RANBP9: variants seen among roughly 807,000 people sequenced by gnomAD.
RANBP9 encodes ran-binding protein 9.
A neutral mutation model predicts 84.3 loss-of-function variants in RANBP9; 15 were observed. The ratio of observed to expected loss-of-function variants is 0.18; its 90% CI spans 0.12 to 0.27. RANBP9 has a LOEUF of 0.27. Among genes scored for constraint, RANBP9 ranks in the 10% least tolerant of loss-of-function variants. RANBP9 has a pLI of 1.00. For synonymous variants in RANBP9, 392 were observed against 349.6 expected (o/e 1.12, Z -1.35); for missense variants, 809 against 912.8 (o/e 0.89, Z 1.46).
chr6:13,696,732 T>C, intron 2 of RANBP9, 53 bp downstream of exon 2: 9 of 1,453,164 alleles, frequency 6.2e-6, no homozygotes, highest in South Asian at 4.8e-5. Flanking sequence ...ATAAACATTA[T>C]GAACCAAAAC....
At chr6:13,638,102 G>T in intron 9 of RANBP9, 147 bp from the exon 10 acceptor site, 1 of 637,502 alleles carries the variant, frequency 1.6e-6, no homozygotes, top group Non-Finnish European at 2.5e-6. Context: ...TCTTTGAAAG[G>T]ATACTAAGAA....
chr6:13,690,461 C>G lies in RANBP9; in HGVS notation c.683+6324G>C. 1.3e-5 allele frequency among the ~76,000 whole-genome samples: 2 copies of G among 152,132 alleles called. 1 individual carries two copies. The highest frequency in any genetic ancestry group is 3.9e-4 in the East Asian group (2 of 5,172). On this transcript the variant is annotated intron_variant, in intron 2 of 13. Transcript: ENST00000011619. The stretch of plus-strand genomic sequence containing the variant: ...AAGAAAGACCTTTGTTCTCCTCCCC[C>G]GCCAAGAAATAAACTAGAAAGTCAG...
chr6:13,705,868 C>CAAAAAAAAAAAAAAAAAAAAAAAAAAA (rs767070995), intron 1 of RANBP9, among the ~76,000 whole-genome samples: 22 of 76,744 alleles, frequency 2.9e-4, no homozygotes, highest in South Asian at 4.8e-4. Flanking sequence ...GACTCCGTCT[C>CAAAAAAAAAAAAAAAAAAAAAAAAAAA]AAAAAAAAAA....
chr6:13,652,579 C>A, intron 5 of RANBP9, 80 bp downstream of exon 5: 1 of 1,318,940 alleles, frequency 7.6e-7, no homozygotes, highest in Non-Finnish European at 1.1e-6. Flanking sequence ...GTATTTTAAA[C>A]TTTCTAAATA....
intron 12 of RANBP9, among the ~76,000 whole-genome samples, chr6:13,626,843 T>C (rs1268013177): frequency 6.6e-6 from 1 of 152,164 alleles, no homozygotes; most frequent in Non-Finnish European, 1.5e-5. Flanking sequence ...CTTACTAGTG[T>C]TATGAAAGCA....
At position 13,711,169 on chromosome 6, in the gene RANBP9, C is replaced by A. The variant is rs71562480; in HGVS notation, c.337G>T (p.Gly113Cys). ...GGGGTCGGGGCTCCTCCAGCCGGGC[C>A]GGGGCCCGCTGCAAGGCCCGGGGGA... ...PAPPGLAAGP[G>C]PAGGAPTPAL... The change falls in exon 1 of 14, where the codon GGC becomes TGC. Residue 113 changes from glycine to cysteine, a missense_variant. Gly to Cys is a radical substitution (Grantham distance 159). Coordinates refer to ENST00000011619, the MANE Select transcript of RANBP9 (RefSeq NM_005493.3). The A allele has an allele frequency of 7.3e-7, 1 of 1,379,100 alleles. No homozygotes were observed. 85.4% of individuals were successfully genotyped at this position (1,379,100 alleles called of 1,614,324 possible). A position where few individuals can be genotyped will look rare whatever the true frequency, so the allele number is the denominator to read the frequency against.
intron 2 of RANBP9, among the ~76,000 whole-genome samples, chr6:13,673,719 A>G (rs948877134): frequency 6.6e-6 from 1 of 152,194 alleles, no homozygotes; most frequent in Admixed American, 6.5e-5. Flanking sequence ...AAACTACCAA[A>G]AAATCTTTTT....
chr6:13,663,860 C>A (rs1404967298), intron 2 of RANBP9, among the ~76,000 whole-genome samples: 1 of 152,028 alleles, frequency 6.6e-6, no homozygotes, highest in East Asian at 1.9e-4. Flanking sequence ...AAAATAAATA[C>A]ACTTGGCAAA....
At chr6:13,667,535 A>G (rs1437138804) in intron 2 of RANBP9, among the ~76,000 whole-genome samples, 1 of 152,220 alleles carries the variant, frequency 6.6e-6, no homozygotes, top group Non-Finnish European at 1.5e-5. Flanking sequence ...ATGTACAACA[A>G]TAGTCCTATA....
intron 11 of RANBP9, 65 bp from the exon 12 acceptor site, chr6:13,632,586 T>C (rs1271116928): frequency 1.6e-5 from 23 of 1,417,210 alleles, no homozygotes; most frequent in Non-Finnish European, 2.1e-5. Flanking sequence ...GACACGAACA[T>C]ACATTTCTTA....
chr6:13,633,841 G>A (rs1171320207), intron 11 of RANBP9, among the ~76,000 whole-genome samples: 1 of 152,066 alleles, frequency 6.6e-6, no homozygotes, highest in Non-Finnish European at 1.5e-5. Context: ...CATTTGATGG[G>A]ATAGTTTGCT....
chr6:13,632,986 C>G (rs1764835230), intron 11 of RANBP9, among the ~76,000 whole-genome samples: 1 of 151,748 alleles, frequency 6.6e-6, no homozygotes, highest in Non-Finnish European at 1.5e-5. Context: ...ATTATACTAA[C>G]TGAAAAGATT....
intron 5 of RANBP9, among the ~76,000 whole-genome samples, chr6:13,651,496 G>A (rs1341845523): frequency 1.5e-4 from 22 of 151,668 alleles, no homozygotes; most frequent in African/African-American, 4.4e-4. Flanking sequence ...CTGGGTTCAC[G>A]CCATTCTCCT....
chr6:13,679,073 C>A (rs1765966978), intron 2 of RANBP9, among the ~76,000 whole-genome samples: 1 of 152,018 alleles, frequency 6.6e-6, no homozygotes, highest in Non-Finnish European at 1.5e-5. Flanking sequence ...AAAATTTGTT[C>A]CAATTCTAAT....
At chr6:13,666,600 C>CAAAAAAAAAAAAAAAAAAAAAAAAAA (rs70989878) in intron 2 of RANBP9, among the ~76,000 whole-genome samples, 11 of 43,696 alleles carry the variant, frequency 2.5e-4, no homozygotes, top group East Asian at 1.1e-3. Context: ...CCCGTCTCTC[C>CAAAAAAAAAAAAAAAAAAAAAAAAAA]AAAAAAAAAA....
intron 13 of RANBP9, among the ~76,000 whole-genome samples, 185 bp from the exon 14 acceptor site, chr6:13,622,677 G>A (rs1242064134): frequency 1.3e-5 from 2 of 152,192 alleles, no homozygotes. Context: ...TGACAAGGTA[G>A]TGTGGGTATT....
chr6:13,624,874 G>C (rs990420958), intron 13 of RANBP9, among the ~76,000 whole-genome samples: 2 of 152,098 alleles, frequency 1.3e-5, no homozygotes, highest in African/African-American at 4.8e-5. Flanking sequence ...GATCCTGCCG[G>C]GTACTCACAA....
At chr6:13,682,897 T>C (rs982262051) in intron 2 of RANBP9, among the ~76,000 whole-genome samples, 3 of 152,182 alleles carry the variant, frequency 2.0e-5, no homozygotes, top group African/African-American at 7.2e-5. Context: ...TTTAAAAAGA[T>C]GGGGTGTGGA....
chr6:13,666,059 C>T (rs530994817), intron 2 of RANBP9, among the ~76,000 whole-genome samples: 9 of 152,192 alleles, frequency 5.9e-5, no homozygotes, highest in Admixed American at 5.2e-4. Flanking sequence ...CATGGGCATA[C>T]ACATCTGCAA....
Sources: allele counts gnomAD v4.1 joint callset (sites outside exome capture counted in the v4.1 genomes callset), GRCh38; gene constraint gnomAD v4.1.1; transcripts MANE v1.5; gene names NCBI Gene and HGNC (gene_info 2026-07-23, HGNC 2026-07-21).